Variants in ADGRL2 observed in about 807,000 individuals in gnomAD.
ADGRL2 encodes adhesion G protein-coupled receptor L2.
ADGRL2 carries 44 observed loss-of-function variants against 157.4 expected under a neutral mutation model. That is an observed-to-expected ratio of 0.28 (90% CI 0.22 to 0.36). The LOEUF is 0.36. Ranked by LOEUF, ADGRL2 falls within the 10% of genes least tolerant of loss-of-function variation. ADGRL2 has a pLI of 1.00. For missense variants in ADGRL2, 1,510 were observed against 1,768.9 expected, an observed-to-expected ratio of 0.85 and a Z score of 2.63; for synonymous variants, 585 against 624.7, an observed-to-expected ratio of 0.94 and a Z score of 0.95.
rs1186593777 is a variant in ADGRL2, at chr1:81,318,612, A to G, written c.-302+12103A>G. Reference sequence around the variant, plus strand: ...TAATACACTACTAGTTGCAAAAGTAACCATGATAGTAATAATAGCAGTTAT... The same window carrying G: ...TAATACACTACTAGTTGCAAAAGTAGCCATGATAGTAATAATAGCAGTTAT... On this transcript the variant is annotated intron_variant, in intron 1 of 24. Transcript: ENST00000370721. 3.3e-5 allele frequency among the ~76,000 whole-genome samples: 5 copies of G among 152,340 alleles called. No homozygotes were observed. The East Asian group carries it at 5.8e-4, about 18-fold the overall frequency.
At chr1:81,390,988 A>C (rs1477877668) in intron 1 of ADGRL2, among the ~76,000 whole-genome samples, 8 of 152,304 alleles carry the variant, frequency 5.3e-5, no homozygotes, top group Non-Finnish European at 1.2e-4. Context: ...ATTCAAATAC[A>C]AACACTCATG....
chr1:81,624,280 A>T (rs553937619), intron 3 of ADGRL2, among the ~76,000 whole-genome samples: 3 of 152,180 alleles, frequency 2.0e-5, no homozygotes, highest in African/African-American at 7.2e-5. Flanking sequence ...TCTTGCCATT[A>T]AAAGTAATAC....
At chr1:81,428,506 G>A (rs550608440) in intron 1 of ADGRL2, among the ~76,000 whole-genome samples, 6 of 152,118 alleles carry the variant, frequency 3.9e-5, no homozygotes, top group Non-Finnish European at 8.8e-5. Context: ...ACATGCAAAC[G>A]CATGGGAGTC....
chr1:81,907,080 C>T lies in ADGRL2; in HGVS notation c.137C>T (p.Ser46Phe). Residue 46 changes from serine (S) to phenylalanine (F), a missense_variant, in exon 3 of 24, where the codon TCT becomes TTT. Ser to Phe is a radical substitution (Grantham distance 155). This residue lies in a region of ADGRL2 where 361 missense variants were observed against 498.4 expected (regional missense o/e 0.72). Coordinates refer to ENST00000686636, the MANE Select transcript of ADGRL2 (RefSeq NM_001366006.2). ...CGAGAATTATCCTGTGAAGGTTATT[C>T]TATAGATCTGCGATGCCCGGGCAGT... ...VRRELSCEGYSIDLRCPGSDV... is the reference protein window; with the variant it reads ...VRRELSCEGYFIDLRCPGSDV... 1 of 1,614,076 alleles carries T rather than the reference C, an allele frequency of 6.2e-7. No individual in the cohort carries two copies. The highest frequency in any genetic ancestry group is 8.5e-7 in the Non-Finnish European group (1 of 1,180,000).
intron 1 of ADGRL2, among the ~76,000 whole-genome samples, chr1:81,730,346 G>A (rs2084676538): frequency 6.6e-6 from 1 of 151,746 alleles, no homozygotes; most frequent in Non-Finnish European, 1.5e-5. Context: ...AGAAATCTTT[G>A]GAAATAAAAT....
chr1:81,938,442 A>G (rs2095341089), intron 4 of ADGRL2, among the ~76,000 whole-genome samples: 1 of 151,744 alleles, frequency 6.6e-6, no homozygotes, highest in Non-Finnish European at 1.5e-5. Context: ...GCTGTTTAAG[A>G]AAGGAAAATG....
intron 3 of ADGRL2, among the ~76,000 whole-genome samples, chr1:81,914,577 T>C (rs951366636): frequency 6.6e-6 from 1 of 152,182 alleles, no homozygotes; most frequent in Admixed American, 6.6e-5. Flanking sequence ...CTACTTGACA[T>C]GTCAGGTTTA....
At chr1:81,811,855 A>G (rs896811408) in intron 1 of ADGRL2, among the ~76,000 whole-genome samples, 1 of 151,588 alleles carries the variant, frequency 6.6e-6, no homozygotes, top group African/African-American at 2.4e-5. Flanking sequence ...AATGAATCAG[A>G]TAAATGAGCC....
At chr1:81,446,497 C>T (rs969275327) in intron 2 of ADGRL2, among the ~76,000 whole-genome samples, 3 of 152,180 alleles carry the variant, frequency 2.0e-5, no homozygotes, top group African/African-American at 7.2e-5. Flanking sequence ...TCACGTTCAT[C>T]CTTCTCTTCT....
At chr1:81,435,587 T>G (rs2077394494) in intron 1 of ADGRL2, among the ~76,000 whole-genome samples, 1 of 152,242 alleles carries the variant, frequency 6.6e-6, no homozygotes, top group South Asian at 2.1e-4. Context: ...AACAATCCAT[T>G]TCTTCAAAAC....
At chr1:81,629,097 C>T (rs545417951) in intron 3 of ADGRL2, among the ~76,000 whole-genome samples, 2 of 152,192 alleles carry the variant, frequency 1.3e-5, no homozygotes, top group East Asian at 3.9e-4. Context: ...ACTCCTATAT[C>T]TTTAAAGCAC....
At chr1:81,881,442 C>T (rs996394475) in intron 2 of ADGRL2, among the ~76,000 whole-genome samples, 1 of 152,206 alleles carries the variant, frequency 6.6e-6, no homozygotes, top group African/African-American at 2.4e-5. Flanking sequence ...TCCCAAAGTG[C>T]TGGGATTACA....
chr1:81,943,444 G>T lies in ADGRL2; in HGVS notation c.885G>T (p.Leu295=). 6.2e-7 allele frequency: 1 copy of T among 1,613,720 alleles called. No homozygotes were observed. The highest frequency in any genetic ancestry group is 1.3e-5 in the African/African-American group (1 of 75,020). Residue 295 remains leucine (L), a synonymous_variant, in exon 6 of 24, where the codon CTG becomes CTT. Transcript: ENST00000686636. This position sits in a 1 kb window ranked among gnomAD's most constrained non-coding sequence, Gnocchi z 5.6. ...ATGGAATGATAGTTATTAGCCAGCT[G>T]AATCCATACACTCTTCGATTTGAAG... ...QNNGMIVISQ[L]NPYTLRFEAT... is the part of the protein sequence containing the mutation.
At position 81,981,973 on chromosome 1, in the gene ADGRL2, G is replaced by T; in HGVS notation, c.3279G>T (p.Lys1093Asn). 6.2e-7 allele frequency: 1 copy of T among 1,610,706 alleles called. No homozygotes were observed. Among genetic ancestry groups the T allele is most frequent in the Non-Finnish European group, 8.5e-7 (1 of 1,178,270 alleles). ...TCATCTTTCACTGTGCTCTCCAAAAGAAAGTAAGTAATTGAAAACACCTAG... is the reference window on the plus strand; with the variant it reads ...TCATCTTTCACTGTGCTCTCCAAAATAAAGTAAGTAATTGAAAACACCTAG... ...FIFIFHCALQ[K>N]KVRKEYGKCF... The change falls in exon 19 of 24, where the codon AAG (lysine) becomes AAT (asparagine). Residue 1093 changes from lysine (K) to asparagine (N), a missense_variant. By Grantham distance (94) the Lys-to-Asn change is moderately conservative (BLOSUM62 0). Transcript: ENST00000686636.
At chr1:81,639,619 T>G (rs1459994622) in intron 3 of ADGRL2, among the ~76,000 whole-genome samples, 1 of 150,266 alleles carries the variant, frequency 6.7e-6, no homozygotes, top group Non-Finnish European at 1.5e-5. Context: ...GTAACTATAT[T>G]AATCTCAGAC....
chr1:81,508,561 T>A (rs2079020564), intron 2 of ADGRL2, among the ~76,000 whole-genome samples: 1 of 152,220 alleles, frequency 6.6e-6, no homozygotes, highest in African/African-American at 2.4e-5. Flanking sequence ...ATTGTCCCAT[T>A]AGACTTCACT....
intron 2 of ADGRL2, among the ~76,000 whole-genome samples, chr1:81,473,988 G>A (rs1157093178): frequency 6.6e-6 from 1 of 152,198 alleles, no homozygotes. Context: ...GTTGCAGTTG[G>A]AAAGACTCAG....
At chr1:81,636,484 C>T (rs1045581785) in intron 3 of ADGRL2, among the ~76,000 whole-genome samples, 4 of 151,978 alleles carry the variant, frequency 2.6e-5, no homozygotes, top group Admixed American at 6.6e-5. Flanking sequence ...AAGCCTTCCT[C>T]GGAGGGACCC....
chr1:81,700,779 C>T (rs998312999), intron 1 of ADGRL2, among the ~76,000 whole-genome samples: 1 of 152,138 alleles, frequency 6.6e-6, no homozygotes, highest in Non-Finnish European at 1.5e-5. Flanking sequence ...AAAATATTGC[C>T]GGATTCACAA....
Sources: allele counts gnomAD v4.1 joint callset (sites outside exome capture counted in the v4.1 genomes callset), GRCh38; gene constraint gnomAD v4.1.1; regional missense constraint gnomAD v4.1.1; non-coding constraint Gnocchi (gnomAD v3.1); transcripts MANE v1.5; gene names NCBI Gene and HGNC (gene_info 2026-07-23, HGNC 2026-07-21).